BPNT2: variants seen among roughly 807,000 people sequenced by gnomAD.
The protein encoded by BPNT2 is Golgi-resident adenosine 3',5'-bisphosphate 3'-phosphatase.
Under a neutral mutation model 29.3 loss-of-function variants are expected in BPNT2, and 11 were observed. The observed-to-expected ratio is 0.38, with a 90% confidence interval of 0.24 to 0.62. The LOEUF is 0.62. Ranked by LOEUF, BPNT2 falls within the 20% of genes least tolerant of loss-of-function variation. The pLI is 0.62. For synonymous variants in BPNT2, 195 were observed against 187.7 expected, an observed-to-expected ratio of 1.04 and a Z score of -0.32; for missense variants, 459 against 473.4, an observed-to-expected ratio of 0.97 and a Z score of 0.28.
chr8:56,990,703 T>A (rs1190925867), intron 1 of BPNT2, among the ~76,000 whole-genome samples: 1 of 152,092 alleles, frequency 6.6e-6, no homozygotes, highest in Non-Finnish European at 1.5e-5. Flanking sequence ...GCCAGTAGCA[T>A]CCCACCCCTG....
intron 3 of BPNT2, among the ~76,000 whole-genome samples, chr8:56,972,505 T>C (rs1336458207): frequency 2.0e-5 from 3 of 152,276 alleles, no homozygotes; most frequent in Admixed American, 1.3e-4. Flanking sequence ...ACCTTAACAC[T>C]TTTTAATGAA....
chr8:56,981,967 T>C (rs950513343), intron 1 of BPNT2, among the ~76,000 whole-genome samples: 15 of 152,106 alleles, frequency 9.9e-5, no homozygotes, highest in African/African-American at 3.4e-4. Context: ...ATCTCTCACC[T>C]ATAGTCTTCA....
intron 3 of BPNT2, among the ~76,000 whole-genome samples, chr8:56,971,084 T>A (rs1367222163): frequency 2.0e-5 from 3 of 152,118 alleles, no homozygotes; most frequent in Non-Finnish European, 4.4e-5. Flanking sequence ...TTAGTATTTT[T>A]AAAAATGTTC....
At position 56,993,625 on chromosome 8, in the gene BPNT2, G is replaced by GGCCTCCAGCGCCCGCC. The variant is rs1267173801; in HGVS notation, c.-56_-41dup. 1.3e-4 allele frequency: 171 copies of GGCCTCCAGCGCCCGCC among 1,288,094 alleles called. No homozygotes were observed. The African/African-American group carries it at 2.5e-3, about 19-fold the overall frequency. 79.8% of individuals were successfully genotyped at this position (1,288,094 alleles called of 1,614,324 possible). A position where few individuals can be genotyped will look rare whatever the true frequency, so the allele number is the denominator to read the frequency against. On this transcript the variant is annotated 5_prime_UTR_variant, in exon 1 of 5. Transcript: ENST00000262644. ...GGCGCTCCGGGCTGCGGCTCTCACA[G>GGCCTCCAGCGCCCGCC]GCCTCCAGCGCCCGCCGCCGCCGCC...
rs1171080747 is a variant in BPNT2 at position 56,980,114 on chromosome 8, T to C, written c.471A>G (p.Glu157=). 2 of 1,613,064 alleles carry C rather than the reference T, an allele frequency of 1.2e-6. No homozygotes were observed. Among genetic ancestry groups the C allele is most frequent in the Non-Finnish European group, 8.5e-7 (1 of 1,179,074 alleles). ...CTGGTACCTCTTTAGGAGTAGTTAC[T>C]TCCTTTAGGATATCCTCAGGAATCT... ...DHKIPEDILK[E]VTTPKEVPAE... Residue 157 remains glutamate (E), a synonymous_variant, in exon 2 of 5, where the codon GAA becomes GAG. Coordinates refer to ENST00000262644, the MANE Select transcript of BPNT2 (RefSeq NM_017813.5).
Position 56,963,844 on chromosome 8 carries a change from GT to G in BPNT2, c.1028del (p.His343ProfsTer11). On this transcript the variant is annotated frameshift_variant, in exon 5 of 5. Transcript: ENST00000262644. LOFTEE classifies it high-confidence loss of function. The part of the protein sequence containing the change: ...GGLLASIRMN[H>X]QALVRKLPDL... ...CTGGGAGTTTTCTGACCAGGGCCTG[GT>G]GGTTCATTCTGATGCTAGCAAGGAG... The G allele has an allele frequency of 2.5e-6, 4 of 1,614,132 alleles. No homozygotes were observed. The highest frequency in any genetic ancestry group is 3.4e-6 in the Non-Finnish European group (4 of 1,180,022).
chr8:56,964,197 T>G (rs891626999), intron 4 of BPNT2, 133 bp from the exon 5 acceptor site: 12 of 620,180 alleles, frequency 1.9e-5, no homozygotes, highest in African/African-American at 1.7e-4. Flanking sequence ...TGCAACTGCT[T>G]AAGTTTAAAA....
In BPNT2 at chr8:56,993,639, G is replaced by GC; in HGVS notation, c.-55dup. 3.8e-6 allele frequency: 4 copies of GC among 1,052,168 alleles called. No homozygotes were observed. Among genetic ancestry groups the GC allele is most frequent in the South Asian group, 4.3e-5 (1 of 23,214 alleles). 65.2% of individuals were successfully genotyped at this position (1,052,168 alleles called of 1,614,324 possible). Reference sequence around the variant, plus strand: ...CGGCTCTCACAGGCCTCCAGCGCCCGCCGCCGCCGCCGCCGCAGCCGCCGC... The same window carrying GC: ...CGGCTCTCACAGGCCTCCAGCGCCCGCCCGCCGCCGCCGCCGCAGCCGCCGC... On this transcript the variant is annotated 5_prime_UTR_variant, in exon 1 of 5. Coordinates refer to ENST00000262644, the MANE Select transcript of BPNT2 (RefSeq NM_017813.5).
chr8:56,993,115 A>G, intron 1 of BPNT2, 84 bp downstream of exon 1: 1 of 1,533,960 alleles, frequency 6.5e-7, no homozygotes, highest in South Asian at 1.2e-5. Context: ...TGGAACCAGA[A>G]GCTCCACATC....
rs1805808109 is a variant in BPNT2 at position 56,960,185 on chromosome 8, C to T, written c.*3608G>A. ...TAAGAGAGGAAAGCTGAATATTTTC[C>T]TTTCTGCATCGGCACTCCACCTTTC... On this transcript the variant is annotated 3_prime_UTR_variant, in exon 5 of 5. Transcript: ENST00000262644. 1 of 152,188 alleles carries T rather than the reference C, an allele frequency of 6.6e-6. No individual in the cohort carries two copies. The highest frequency in any genetic ancestry group is 1.5e-5 in the Non-Finnish European group (1 of 68,030). 9.4% of individuals were successfully genotyped at this position (152,188 alleles called of 1,614,324 possible). A position where few individuals can be genotyped will look rare whatever the true frequency, so the allele number is the denominator to read the frequency against.
intron 1 of BPNT2, among the ~76,000 whole-genome samples, chr8:56,984,437 C>T (rs541840710): frequency 1.3e-5 from 2 of 152,184 alleles, no homozygotes; most frequent in Admixed American, 6.5e-5. Context: ...TCCTTTCTCG[C>T]GTGCCACATC....
intron 3 of BPNT2, among the ~76,000 whole-genome samples, chr8:56,971,632 TAAG>T (rs1806033792): frequency 6.6e-6 from 1 of 152,142 alleles, no homozygotes; most frequent in Non-Finnish European, 1.5e-5. Context: ...ACACAAAGTA[TAAG>T]AAGTTAAAAC....
At chr8:56,979,425 G>A (rs910577314) in intron 2 of BPNT2, among the ~76,000 whole-genome samples, 1 of 152,096 alleles carries the variant, frequency 6.6e-6, no homozygotes, top group Non-Finnish European at 1.5e-5. Context: ...AAAGTTCTGT[G>A]CTGTAATTTT....
chr8:56,965,754 G>A (rs908388640), intron 4 of BPNT2, among the ~76,000 whole-genome samples: 2 of 152,158 alleles, frequency 1.3e-5, no homozygotes, highest in Non-Finnish European at 2.9e-5. Context: ...AGGTTAAAGA[G>A]TTCAGGGGTG....
chr8:56,989,712 TC>T (rs1384995031), intron 1 of BPNT2, among the ~76,000 whole-genome samples: 1 of 152,176 alleles, frequency 6.6e-6, no homozygotes. Flanking sequence ...TCAAGAAAAG[TC>T]AGCTAAATCT....
intron 1 of BPNT2, among the ~76,000 whole-genome samples, chr8:56,989,953 C>A (rs1421157457): frequency 6.6e-6 from 1 of 152,144 alleles, no homozygotes; most frequent in Non-Finnish European, 1.5e-5. Context: ...TATGTCTACA[C>A]CAATTACTAG....
intron 3 of BPNT2, among the ~76,000 whole-genome samples, chr8:56,977,779 A>G (rs540570627): frequency 6.6e-6 from 1 of 152,242 alleles, no homozygotes; most frequent in East Asian, 1.9e-4. Context: ...AAGCCAATGA[A>G]CACCACAGAA....
At chr8:56,983,317 T>TA (rs1806275620) in intron 1 of BPNT2, among the ~76,000 whole-genome samples, 1 of 152,084 alleles carries the variant, frequency 6.6e-6, no homozygotes, top group Non-Finnish European at 1.5e-5. Flanking sequence ...TGAAGAGATC[T>TA]AAAGAAAATA....
At chr8:56,976,751 G>A (rs1246072416) in intron 3 of BPNT2, among the ~76,000 whole-genome samples, 1 of 152,114 alleles carries the variant, frequency 6.6e-6, no homozygotes, top group Non-Finnish European at 1.5e-5. Context: ...CCACTTCACA[G>A]ACAGCCTTTT....
Sources: allele counts gnomAD v4.1 joint callset (sites outside exome capture counted in the v4.1 genomes callset), GRCh38; gene constraint gnomAD v4.1.1; transcripts MANE v1.5; gene names NCBI Gene and HGNC (gene_info 2026-07-23, HGNC 2026-07-21).